CEP112: variants seen among roughly 807,000 people sequenced by gnomAD.
The protein encoded by CEP112 is centrosomal protein of 112 kDa.
CEP112 carries 127 observed loss-of-function variants against 153.0 expected under a neutral mutation model. The observed-to-expected ratio is 0.83, with a 90% CI of 0.72 to 0.96. The LOEUF (loss-of-function observed/expected upper bound fraction) is 0.96, where lower values mean the gene tolerates loss of function less well. Ranked by LOEUF, CEP112 falls within the 40% of genes least tolerant of loss-of-function variation. The probability of loss-of-function intolerance (pLI) is 0.00; values close to 1 mark genes in which losing one functional copy is unlikely to be tolerated. For missense variants in CEP112, 1,089 were observed against 1,101.2 expected (o/e 0.99, Z 0.16); for synonymous variants, 358 against 374.4 (o/e 0.96, Z 0.51).
At chr17:65,829,624 C>T (rs958884275) in intron 21 of CEP112, among the ~76,000 whole-genome samples, 1 of 152,116 alleles carries the variant, frequency 6.6e-6, no homozygotes, top group Non-Finnish European at 1.5e-5. Flanking sequence ...GAATAAACAT[C>T]AGAAAGGCTG....
chr17:65,695,113 G>A (rs899235476), intron 23 of CEP112, among the ~76,000 whole-genome samples: 1 of 152,200 alleles, frequency 6.6e-6, no homozygotes, highest in African/African-American at 2.4e-5. Context: ...CTTTCAGAGT[G>A]CTTTCTGCTG....
At chr17:66,129,970 G>T in intron 5 of CEP112, 147 bp from the exon 6 acceptor site, 1 of 516,570 alleles carries the variant, frequency 1.9e-6, no homozygotes. Flanking sequence ...AAGGAAGAAA[G>T]GAAGGGATGA....
At chr17:65,727,176 C>T (rs973612080) in intron 23 of CEP112, among the ~76,000 whole-genome samples, 19 of 152,292 alleles carry the variant, frequency 1.2e-4, no homozygotes, top group African/African-American at 4.3e-4. Flanking sequence ...AAAACTTATA[C>T]TGGTCGGGTG....
At chr17:65,737,622 G>A (rs1039622651) in intron 23 of CEP112, among the ~76,000 whole-genome samples, 2 of 152,210 alleles carry the variant, frequency 1.3e-5, no homozygotes, top group Non-Finnish European at 2.9e-5. Context: ...TAATCTCAAA[G>A]TGAGAACAGT....
intron 19 of CEP112, among the ~76,000 whole-genome samples, chr17:65,923,456 G>A (rs1282356154): frequency 6.6e-6 from 1 of 152,126 alleles, no homozygotes; most frequent in African/African-American, 2.4e-5. Context: ...AAGGCAGGAG[G>A]ACTGCTCAAG....
chr17:65,927,532 C>A, intron 19 of CEP112, 50 bp downstream of exon 19: 1 of 987,634 alleles, frequency 1.0e-6, no homozygotes, highest in South Asian at 1.5e-5. Flanking sequence ...AAAGATAAAT[C>A]ATATATGTAT....
Position 66,183,244 on chromosome 17 carries a change from T to C in CEP112, c.56A>G (p.His19Arg). ...KWEKLDAEFD[H>R]FVVDMKPFVL... ...AAAGGGCTTCATATCAACCACAAAG[T>C]GATCAAATTCTGCATCCAGCTTCTC... Residue 19 changes from histidine (H) to arginine (R), a missense_variant, in exon 2 of 27, where the codon CAC (histidine) becomes CGC (arginine). Transcript: ENST00000535342. 6.2e-7 allele frequency: 1 copy of C among 1,612,796 alleles called. No individual in the cohort carries two copies.
At chr17:65,673,004 T>C (rs550450575) in intron 24 of CEP112, among the ~76,000 whole-genome samples, 3 of 152,332 alleles carry the variant, frequency 2.0e-5, no homozygotes, top group Admixed American at 2.0e-4. Flanking sequence ...CACAGATTTA[T>C]TCCCTCACAG....
At chr17:66,027,160 T>C (rs908289243) in intron 16 of CEP112, among the ~76,000 whole-genome samples, 1 of 152,180 alleles carries the variant, frequency 6.6e-6, no homozygotes, top group Non-Finnish European at 1.5e-5. Context: ...GCGGATCACT[T>C]GAGGCCAGGA....
intron 23 of CEP112, among the ~76,000 whole-genome samples, chr17:65,722,174 TG>T (rs1264036517): frequency 6.6e-6 from 1 of 152,148 alleles, no homozygotes; most frequent in Non-Finnish European, 1.5e-5. Flanking sequence ...TACCCTCAGG[TG>T]GGCTTAAGAT....
chr17:66,176,284 GT>G (rs1053101446), intron 3 of CEP112, among the ~76,000 whole-genome samples: 9 of 152,118 alleles, frequency 5.9e-5, no homozygotes, highest in Non-Finnish European at 1.2e-4. Flanking sequence ...ATATTTTATG[GT>G]TACAAGGACC....
chr17:65,943,627 A>T (rs527469996), intron 18 of CEP112, among the ~76,000 whole-genome samples: 5 of 151,972 alleles, frequency 3.3e-5, no homozygotes, highest in Middle Eastern at 3.4e-3. Context: ...CCTTTCTCTC[A>T]GGCTGCCCTT....
chr17:66,150,939 T>C (rs1719631331), intron 4 of CEP112, among the ~76,000 whole-genome samples: 1 of 152,230 alleles, frequency 6.6e-6, no homozygotes, highest in African/African-American at 2.4e-5. Flanking sequence ...CATTACAAAA[T>C]GACTATTTGT....
chr17:66,164,170 C>T (rs1241530748), intron 4 of CEP112, among the ~76,000 whole-genome samples: 1 of 152,196 alleles, frequency 6.6e-6, no homozygotes, highest in Non-Finnish European at 1.5e-5. Context: ...CTCTAACAAG[C>T]AGTTTTCACT....
rs2047358201 is a variant in CEP112 at position 65,678,730 on chromosome 17, G to C, written c.2697+10399C>G. Among the ~76,000 whole-genome samples the C allele has an allele frequency of 2.0e-5, 3 of 152,244 alleles. No individual in the cohort carries two copies. The South Asian group carries it at 6.2e-4, about 32-fold the overall frequency. On this transcript the variant is annotated intron_variant, in intron 24 of 26. Transcript: ENST00000535342. ...TCAACAATGTAGAAAATGCTTTATGGAAAAACAGCTGCAGTGATGCAGTCG... is the reference window on the plus strand; with the variant it reads ...TCAACAATGTAGAAAATGCTTTATGCAAAAACAGCTGCAGTGATGCAGTCG...
intron 17 of CEP112, among the ~76,000 whole-genome samples, chr17:65,994,247 T>A (rs1043325421): frequency 2.6e-5 from 4 of 152,188 alleles, no homozygotes; most frequent in African/African-American, 9.6e-5. Context: ...CTTTTTCCCT[T>A]GCATAGTTAG....
intron 19 of CEP112, among the ~76,000 whole-genome samples, chr17:65,908,963 T>C (rs556739609): frequency 6.6e-6 from 1 of 152,308 alleles, no homozygotes; most frequent in African/African-American, 2.4e-5. Flanking sequence ...CTAGGGATCT[T>C]GGGATATATA....
At chr17:66,121,000 C>T (rs932968767) in intron 6 of CEP112, among the ~76,000 whole-genome samples, 2 of 152,040 alleles carry the variant, frequency 1.3e-5, no homozygotes, top group African/African-American at 4.8e-5. Context: ...CTTTGTTGGC[C>T]GGGTGCAGTG....
At chr17:65,937,882 C>A (rs1378591138) in intron 18 of CEP112, among the ~76,000 whole-genome samples, 1 of 117,212 alleles carries the variant, frequency 8.5e-6, no homozygotes, top group Non-Finnish European at 1.8e-5. Flanking sequence ...AAGTGAGGAG[C>A]CCCTCTGCCC....
Sources: allele counts gnomAD v4.1 joint callset (sites outside exome capture counted in the v4.1 genomes callset), GRCh38; gene constraint gnomAD v4.1.1; transcripts MANE v1.5; gene names NCBI Gene and HGNC (gene_info 2026-07-23, HGNC 2026-07-21).